Variants in RBFOX1 observed in about 807,000 individuals in gnomAD.
The protein encoded by RBFOX1 is RNA binding protein fox-1 homolog 1.
RBFOX1 carries 8 observed loss-of-function variants against 57.7 expected under a neutral mutation model. The observed-to-expected ratio is 0.14, with a 90% CI of 0.08 to 0.25. The LOEUF is 0.25. Among genes scored for constraint, RBFOX1 ranks in the 10% least tolerant of loss-of-function variants. The pLI is 1.00. For missense variants in RBFOX1, 611 were observed against 548.5 expected (o/e 1.11, Z -1.14); for synonymous variants, 326 against 222.4 (o/e 1.47, Z -4.15).
intron 3 of RBFOX1, among the ~76,000 whole-genome samples, chr16:5,707,163 G>T (rs73518027): frequency 0.049 from 7,438 of 152,166 alleles, 587 homozygotes; most frequent in African/African-American, 0.16. Flanking sequence ...TTAGTGGGGA[G>T]CTTCTCTTTG....
rs2098645152 is a variant in RBFOX1 at position 7,428,494 on chromosome 16, T to TTA, written c.28-89652_28-89651insAT. On this transcript the variant is annotated intron_variant, in intron 4 of 15. Coordinates refer to ENST00000550418, the MANE Select transcript of RBFOX1 (RefSeq NM_018723.4). ...GGCATCCACTACCACTCCTGGCTAT[T>TTA]TTATTATTATTATTATTATTATTAT... is the stretch of plus-strand genomic sequence containing the variant. 1.1e-3 allele frequency among the ~76,000 whole-genome samples: 138 copies of TTA among 128,714 alleles called. 1 individual carries two copies. The highest frequency in any genetic ancestry group is 3.8e-3 in the African/African-American group (131 of 34,258). 84.4% of individuals were successfully genotyped at this position (128,714 alleles called of 152,430 possible).
At chr16:6,859,163 ACG>A (rs1491156626) in intron 3 of RBFOX1, among the ~76,000 whole-genome samples, 21 of 85,246 alleles carry the variant, frequency 2.5e-4, no homozygotes, top group African/African-American at 7.5e-4. Flanking sequence ...GTATATATAT[ACG>A]TATATATATG....
At chr16:5,432,559 G>GTTTTTTTTTTTTTTTTTGTTTTT (rs35344614) in intron 1 of RBFOX1, among the ~76,000 whole-genome samples, 3 of 94,230 alleles carry the variant, frequency 3.2e-5, no homozygotes, top group Non-Finnish European at 6.1e-5. Context: ...TTGTTTGTTT[G>GTTTTTTTTTTTTTTTTTGTTTTT]TTTTTTTTTT....
At chr16:6,478,413 ATATATATATATATATATTTTTTTTT>A (rs2095312065) in intron 2 of RBFOX1, among the ~76,000 whole-genome samples, 1 of 21,924 alleles carries the variant, frequency 4.6e-5, no homozygotes, top group African/African-American at 2.6e-4. Context: ...ATATATATAT[ATATATATATATATATATTTTTTTTT>A]TTTTTTTTTG....
chr16:6,607,226 G>C (rs930497014), intron 2 of RBFOX1, among the ~76,000 whole-genome samples: 2 of 152,178 alleles, frequency 1.3e-5, no homozygotes, highest in Non-Finnish European at 2.9e-5. Flanking sequence ...AAAGATATCA[G>C]AATGTGCTTT....
At chr16:5,454,055 G>C (rs887481947) in intron 1 of RBFOX1, among the ~76,000 whole-genome samples, 2 of 152,222 alleles carry the variant, frequency 1.3e-5, no homozygotes, top group African/African-American at 4.8e-5. Context: ...TAGAAGATGA[G>C]GCCAGAGAGG....
At chr16:7,337,653 G>A (rs1294279447) in intron 4 of RBFOX1, among the ~76,000 whole-genome samples, 4 of 152,062 alleles carry the variant, frequency 2.6e-5, no homozygotes, top group Admixed American at 1.3e-4. Flanking sequence ...CATGACTCAC[G>A]CAGGTGAATG....
chr16:5,407,217 G>A (rs1465044879), intron 1 of RBFOX1, among the ~76,000 whole-genome samples: 1 of 152,162 alleles, frequency 6.6e-6, no homozygotes, highest in Admixed American at 6.5e-5. Flanking sequence ...TCAGTATCAT[G>A]AGAACAGCAT....
chr16:5,719,347 A>G (rs7199538), intron 3 of RBFOX1, among the ~76,000 whole-genome samples: 139,288 of 150,866 alleles, frequency 0.92, 64,479 homozygotes, highest in East Asian at 1. Flanking sequence ...GACTACAGGC[A>G]CCTGCCACCA....
chr16:7,123,297 C>T (rs75231981), intron 4 of RBFOX1, among the ~76,000 whole-genome samples: 3,129 of 152,162 alleles, frequency 0.021, 45 homozygotes, highest in African/African-American at 0.029. Context: ...TCCTGGCAAA[C>T]ATTACACATT....
chr16:6,641,514 C>G (rs529343185), intron 2 of RBFOX1, among the ~76,000 whole-genome samples: 10 of 151,950 alleles, frequency 6.6e-5, no homozygotes, highest in Non-Finnish European at 1.2e-4. Flanking sequence ...GCGGGCAGAT[C>G]GCTTGAGCCC....
chr16:5,484,280 T>G (rs972257210), intron 2 of RBFOX1, among the ~76,000 whole-genome samples: 1 of 152,206 alleles, frequency 6.6e-6, no homozygotes, highest in African/African-American at 2.4e-5. Context: ...GACAGAGCCC[T>G]TCAGTTCTTT....
At chr16:6,770,535 C>T (rs908048874) in intron 3 of RBFOX1, among the ~76,000 whole-genome samples, 1 of 152,084 alleles carries the variant, frequency 6.6e-6, no homozygotes, top group Non-Finnish European at 1.5e-5. Context: ...TCTTTCTGCC[C>T]CTTTACGGAA....
intron 1 of RBFOX1, among the ~76,000 whole-genome samples, chr16:6,021,649 T>C (rs1299573473): frequency 1.3e-5 from 2 of 152,130 alleles, no homozygotes; most frequent in Non-Finnish European, 2.9e-5. Context: ...AGAAAAGTCA[T>C]CATTCCTCGC....
intron 4 of RBFOX1, among the ~76,000 whole-genome samples, chr16:5,943,476 T>C (rs980409496): frequency 6.6e-6 from 1 of 152,146 alleles, no homozygotes; most frequent in African/African-American, 2.4e-5. Flanking sequence ...GGAATTCTCA[T>C]TTAGACCACA....
At chr16:6,709,767 C>A (rs780844381) in intron 3 of RBFOX1, among the ~76,000 whole-genome samples, 1 of 152,074 alleles carries the variant, frequency 6.6e-6, no homozygotes, top group Non-Finnish European at 1.5e-5. Flanking sequence ...CCTCTAAACT[C>A]GCTCAGCCCA....
rs995318374 is a variant in RBFOX1 at position 6,987,931 on chromosome 16, C to T, written c.-15-64126C>T. Among the ~76,000 whole-genome samples the T allele has an allele frequency of 2.0e-5, 3 of 151,890 alleles. No homozygotes were observed. In the South Asian group the frequency reaches 6.2e-4, roughly 32 times the overall value. Reference sequence around the variant, plus strand: ...GTTTATGATGGCTGGAATGAGATCCCACAGGAAACTTGAGTTTACTAAGTG... The same window carrying T: ...GTTTATGATGGCTGGAATGAGATCCTACAGGAAACTTGAGTTTACTAAGTG... On this transcript the variant is annotated intron_variant, in intron 3 of 15. Coordinates refer to ENST00000550418, the MANE Select transcript of RBFOX1 (RefSeq NM_018723.4).
intron 4 of RBFOX1, among the ~76,000 whole-genome samples, chr16:7,315,606 G>T (rs1348975679): frequency 6.6e-6 from 1 of 151,430 alleles, no homozygotes; most frequent in Non-Finnish European, 1.5e-5. Flanking sequence ...ATTCATTGTG[G>T]AAGATAGTCT....
intron 4 of RBFOX1, among the ~76,000 whole-genome samples, chr16:7,326,809 C>T (rs747631776): frequency 6.6e-6 from 1 of 152,022 alleles, no homozygotes; most frequent in African/African-American, 2.4e-5. Context: ...TGTTGTGATG[C>T]CCTCAGGTCA....
Sources: gnomAD v4.1 joint callset for allele counts (sites outside exome capture counted in the v4.1 genomes callset) on GRCh38, gnomAD v4.1.1 for gene constraint, MANE v1.5 for transcripts, NCBI Gene and HGNC (gene_info 2026-07-23, HGNC 2026-07-21) for gene names.